Variants in NGLY1 observed in about 807,000 individuals in gnomAD.
NGLY1 encodes the protein N-glycanase 1, also known as peptide-N(4)-(N-acetyl-beta-glucosaminyl)asparagine amidase.
Under a neutral mutation model 84.6 loss-of-function variants are expected in NGLY1, and 68 were observed. The observed-to-expected ratio is 0.80, with a 90% CI of 0.66 to 0.98. NGLY1 has a LOEUF of 0.98. Ranked by LOEUF, NGLY1 falls within the 50% of genes least tolerant of loss-of-function variation. The pLI, the probability that NGLY1 is intolerant of heterozygous loss-of-function variation, is 0.00. For synonymous variants in NGLY1, 280 were observed against 275.2 expected (o/e 1.02, Z -0.17); for missense variants, 779 against 770.2 (o/e 1.01, Z -0.14).
chr3:25,741,955 C>T (rs1274086129), intron 4 of NGLY1, among the ~76,000 whole-genome samples: 2 of 152,068 alleles, frequency 1.3e-5, no homozygotes, highest in Non-Finnish European at 2.9e-5. Flanking sequence ...GAGCCGAGAT[C>T]GCGCCACTGC....
Position 25,763,918 on chromosome 3 carries a change from C to A in NGLY1, c.492+148G>T, listed in dbSNP as rs1707431357. Reference sequence around the variant, plus strand: ...GGAAATCTGACAATTTTTTAAAGAGCTGAAGAAATTTGGATGTTTTAGAGT... The same window carrying A: ...GGAAATCTGACAATTTTTTAAAGAGATGAAGAAATTTGGATGTTTTAGAGT... On this transcript the variant is annotated intron_variant, in intron 3 of 11. Transcript: ENST00000280700. 24 of 1,021,462 alleles carry A rather than the reference C, an allele frequency of 2.3e-5. No homozygotes were observed. The South Asian group carries it at 4.3e-4, about 18-fold the overall frequency. 63.3% of individuals were successfully genotyped at this position (1,021,462 alleles called of 1,614,324 possible). A position where few individuals can be genotyped will look rare whatever the true frequency, so the allele number is the denominator to read the frequency against.
intron 4 of NGLY1, among the ~76,000 whole-genome samples, chr3:25,742,801 C>T (rs1706217448): frequency 1.3e-5 from 2 of 149,864 alleles, no homozygotes; most frequent in South Asian, 4.2e-4. Flanking sequence ...TCAGCTGGCT[C>T]CCCGTCGTAG....
Position 25,783,417 on chromosome 3 carries a change from C to A in NGLY1, c.-27G>T, listed in dbSNP as rs1194941626. ...CTTGAGCGCCAGCGGGCGCCGCCGC[C>A]GCCCCTCGCTCTCCGCGTCCCACAC... is the stretch of plus-strand genomic sequence containing the variant. On this transcript the variant is annotated 5_prime_UTR_variant, in exon 1 of 12. Transcript: ENST00000280700. The surrounding 1 kb of genome is among the most constrained non-coding windows in gnomAD (Gnocchi z 4.5). The A allele has an allele frequency of 2.6e-6, 4 of 1,519,592 alleles. 1 individual carries two copies. The South Asian group carries it at 3.6e-5, about 14-fold the overall frequency. The allele number at this position is 1,519,592 out of a possible 1,614,324, so 94.1% of individuals were successfully genotyped here.
At chr3:25,759,054 G>C (rs1279609569) in intron 3 of NGLY1, among the ~76,000 whole-genome samples, 2 of 152,170 alleles carry the variant, frequency 1.3e-5, no homozygotes, top group East Asian at 3.8e-4. Context: ...CCTAAAACAA[G>C]GTTTAAATGC....
chr3:25,746,391 G>A (rs955877191), intron 4 of NGLY1, among the ~76,000 whole-genome samples: 4 of 152,130 alleles, frequency 2.6e-5, no homozygotes, highest in Admixed American at 6.5e-5. Flanking sequence ...CTTTTTAAGC[G>A]TGAAAGAATA....
chr3:25,719,404 C>A lies in NGLY1; in HGVS notation c.*56G>T, dbSNP rs960429203. 2.7e-6 allele frequency: 4 copies of A among 1,505,006 alleles called. No homozygotes were observed. In the African/African-American group the frequency reaches 4.1e-5, roughly 16 times the overall value. The allele number at this position is 1,505,006 out of a possible 1,614,324, so 93.2% of individuals were successfully genotyped here. On this transcript the variant is annotated 3_prime_UTR_variant, in exon 12 of 12. Coordinates refer to ENST00000280700, the MANE Select transcript of NGLY1 (RefSeq NM_018297.4). ...GCCAACTAAGCATGCACTGAACCAA[C>A]AGACTACTTCAGTAAGTCCTTGATT...
rs373792768 is a variant in NGLY1 at position 25,720,154 on chromosome 3, T to C, written c.1649A>G (p.Tyr550Cys). 4.3e-5 allele frequency: 70 copies of C among 1,613,728 alleles called. No homozygotes were observed. Among genetic ancestry groups the C allele is most frequent in the Non-Finnish European group, 5.8e-5 (68 of 1,179,878 alleles). ...CCCACACTCAAACTTCCAGGAAATA[T>C]AAGCAAAAGATGATCCTTCCTTTCG... ...LARKEGSSFA[Y>C]ISWKFECGSV... The change falls in exon 11 of 12, where the codon TAT (tyrosine) becomes TGT (cysteine). Residue 550 changes from tyrosine to cysteine, a missense_variant. Coordinates refer to ENST00000280700, the MANE Select transcript of NGLY1 (RefSeq NM_018297.4).
chr3:25,763,439 G>A (rs923752436), intron 3 of NGLY1, among the ~76,000 whole-genome samples: 2 of 152,164 alleles, frequency 1.3e-5, no homozygotes, highest in African/African-American at 4.8e-5. Context: ...AACCTTAACT[G>A]CAAAACTGAT....
intron 9 of NGLY1, among the ~76,000 whole-genome samples, chr3:25,731,029 G>A (rs1269119789): frequency 6.6e-6 from 1 of 151,844 alleles, no homozygotes; most frequent in Non-Finnish European, 1.5e-5. Context: ...CTTAACTTTA[G>A]GACCTACCTA....
At chr3:25,784,739 C>T (rs543891941), upstream of NGLY1, among the ~76,000 whole-genome samples, 1 of 152,284 alleles carries the variant, frequency 6.6e-6, no homozygotes, top group African/African-American at 2.4e-5. Context: ...CTATTCGTCT[C>T]CCAAATATAC....
intron 3 of NGLY1, among the ~76,000 whole-genome samples, chr3:25,751,625 T>A (rs1257167314): frequency 6.6e-6 from 1 of 152,150 alleles, no homozygotes. Context: ...AGAGGTGTGC[T>A]CTTAAAGAAC....
Position 25,729,257 on chromosome 3 carries a change from C to A in NGLY1, c.1487G>T (p.Cys496Phe). ...NEKISKQLHL[C>F]YNIVKDRYVR... ...ATAACGATCTTTCACAATATTGTAA[C>A]AAAGGTGGAGCTGTTTAGAAATCTT... Residue 496 changes from cysteine (C) to phenylalanine (F), a missense_variant, in exon 10 of 12, where the codon TGT becomes TTT. By Grantham distance (205) the Cys-to-Phe change is radical (BLOSUM62 -2). Transcript: ENST00000280700. The A allele has an allele frequency of 6.4e-7, 1 of 1,550,518 alleles. No individual in the cohort carries two copies. Among genetic ancestry groups the A allele is most frequent in the Admixed American group, 1.8e-5 (1 of 55,740 alleles).
chr3:25,736,344 A>C (rs1322902385), intron 6 of NGLY1, 195 bp from the exon 7 acceptor site: 1 of 1,551,404 alleles, frequency 6.4e-7, no homozygotes, highest in Non-Finnish European at 8.7e-7. Context: ...ATCCTTAAAA[A>C]TGTTTTTCCA....
chr3:25,721,226 C>G (rs1704972435), intron 10 of NGLY1, among the ~76,000 whole-genome samples: 1 of 152,040 alleles, frequency 6.6e-6, no homozygotes, highest in Non-Finnish European at 1.5e-5. Context: ...ACTACCATGC[C>G]TGGCTAATTT....
intron 2 of NGLY1, among the ~76,000 whole-genome samples, chr3:25,767,068 C>T (rs1707617169): frequency 6.6e-6 from 1 of 151,826 alleles, no homozygotes; most frequent in Non-Finnish European, 1.5e-5. Context: ...CCGAGGCGGG[C>T]AAATCACAAG....
At chr3:25,733,504 TG>T (rs1705657129) in intron 8 of NGLY1, among the ~76,000 whole-genome samples, 1 of 150,618 alleles carries the variant, frequency 6.6e-6, no homozygotes, top group African/African-American at 2.5e-5. Context: ...TGTGTGTGTG[TG>T]TGTGTGTGTG....
At chr3:25,759,923 C>CA (rs1707226602) in intron 3 of NGLY1, among the ~76,000 whole-genome samples, 1 of 145,448 alleles carries the variant, frequency 6.9e-6, no homozygotes, top group African/African-American at 2.7e-5. Context: ...AAAAAACACA[C>CA]ACACACACAC....
chr3:25,765,940 A>AT (rs1321539265), intron 2 of NGLY1, among the ~76,000 whole-genome samples: 3 of 151,972 alleles, frequency 2.0e-5, no homozygotes, highest in African/African-American at 7.3e-5. Context: ...TCTTTTGCCC[A>AT]GGCTGGTCTC....
intron 7 of NGLY1, 55 bp from the exon 8 acceptor site, chr3:25,734,037 A>C (rs1348910443): frequency 1.3e-6 from 2 of 1,592,236 alleles, no homozygotes; most frequent in African/African-American, 1.3e-5. Flanking sequence ...ATCAACCTTT[A>C]CTTACTAAAT....
Sources: allele counts gnomAD v4.1 joint callset (sites outside exome capture counted in the v4.1 genomes callset), GRCh38; gene constraint gnomAD v4.1.1; non-coding constraint Gnocchi (gnomAD v3.1); transcripts MANE v1.5; gene names NCBI Gene and HGNC (gene_info 2026-07-23, HGNC 2026-07-21).